Variants in LRRC8C observed in about 807,000 individuals in gnomAD.
LRRC8C encodes leucine rich repeat containing 8 VRAC subunit C.
Under a neutral mutation model 55.3 loss-of-function variants are expected in LRRC8C, and 20 were observed. The observed-to-expected ratio is 0.36, with a 90% CI of 0.25 to 0.53. The LOEUF (loss-of-function observed/expected upper bound fraction) is 0.53, where lower values mean the gene tolerates loss of function less well. Among genes scored for constraint, LRRC8C ranks in the 20% least tolerant of loss-of-function variants. The pLI is 0.92. For missense variants in LRRC8C, 659 were observed against 951.4 expected (o/e 0.69, Z 4.04); for synonymous variants, 376 against 360.7 (o/e 1.04, Z -0.48).
At chr1:89,693,410 G>A (rs1441504951) in intron 2 of LRRC8C, among the ~76,000 whole-genome samples, 2 of 152,034 alleles carry the variant, frequency 1.3e-5, no homozygotes, top group South Asian at 2.1e-4. Flanking sequence ...TTGACAATGT[G>A]CCCTGAATTC....
intron 2 of LRRC8C, among the ~76,000 whole-genome samples, chr1:89,704,020 G>C (rs865848316): frequency 6.6e-6 from 1 of 152,002 alleles, no homozygotes; most frequent in East Asian, 1.9e-4. Flanking sequence ...AAAAAAGCTG[G>C]TAGCGTAATG....
At chr1:89,639,248 G>T (rs1656388139) in intron 1 of LRRC8C, among the ~76,000 whole-genome samples, 1 of 152,032 alleles carries the variant, frequency 6.6e-6, no homozygotes, top group Non-Finnish European at 1.5e-5. Flanking sequence ...GCCTCCCCAA[G>T]TACTGGGATT....
intron 1 of LRRC8C, among the ~76,000 whole-genome samples, chr1:89,643,103 T>G (rs554957845): frequency 2.0e-5 from 3 of 152,314 alleles, no homozygotes; most frequent in Admixed American, 1.3e-4. Context: ...GTTGTTTGTT[T>G]GTTTTTGAGA....
chr1:89,640,921 C>A (rs934125426), intron 1 of LRRC8C, among the ~76,000 whole-genome samples: 1 of 152,036 alleles, frequency 6.6e-6, no homozygotes, highest in Non-Finnish European at 1.5e-5. Flanking sequence ...AGGAAATAAT[C>A]AAAGATAAGC....
chr1:89,666,595 A>G (rs995402239), intron 1 of LRRC8C, among the ~76,000 whole-genome samples: 2 of 152,102 alleles, frequency 1.3e-5, no homozygotes, highest in African/African-American at 4.8e-5. Context: ...GCCCCTAAAC[A>G]GGGTGCAGGT....
chr1:89,702,998 GACAT>G (rs1658375116), intron 2 of LRRC8C, among the ~76,000 whole-genome samples: 1 of 152,148 alleles, frequency 6.6e-6, no homozygotes, highest in Non-Finnish European at 1.5e-5. Context: ...GAGAGACACT[GACAT>G]ACATCTCAGA....
chr1:89,705,626 C>A (rs1240233357), intron 2 of LRRC8C, among the ~76,000 whole-genome samples: 1 of 151,530 alleles, frequency 6.6e-6, no homozygotes, highest in East Asian at 1.9e-4. Context: ...CAAAAAAATA[C>A]AAAAATTAGC....
At chr1:89,637,311 A>T (rs201704972) in intron 1 of LRRC8C, among the ~76,000 whole-genome samples, 1 of 150,402 alleles carries the variant, frequency 6.6e-6, no homozygotes, top group South Asian at 2.1e-4. Flanking sequence ...AGGAAGGAAC[A>T]CCTACCTCAG....
At chr1:89,692,925 C>T (rs1266122919) in intron 2 of LRRC8C, among the ~76,000 whole-genome samples, 2 of 152,074 alleles carry the variant, frequency 1.3e-5, no homozygotes, top group Admixed American at 1.3e-4. Flanking sequence ...CTTATTATGA[C>T]CAAATCCAAA....
chr1:89,645,048 C>T (rs796537950), intron 1 of LRRC8C, among the ~76,000 whole-genome samples: 6 of 152,204 alleles, frequency 3.9e-5, no homozygotes, highest in African/African-American at 9.6e-5. Flanking sequence ...ATTATCAAGA[C>T]AAAATACAGT....
intron 1 of LRRC8C, among the ~76,000 whole-genome samples, chr1:89,655,885 A>G (rs752975147): frequency 6.6e-6 from 1 of 152,238 alleles, no homozygotes; most frequent in Non-Finnish European, 1.5e-5. Flanking sequence ...CTTTAAGGAC[A>G]CAACTCCAAG....
At chr1:89,622,940 TC>T in the LRRC8C span, among the ~76,000 whole-genome samples, 1 of 152,164 alleles carries the variant, frequency 6.6e-6, no homozygotes, top group Admixed American at 6.5e-5. Flanking sequence ...TGGTATCAGA[TC>T]AGATATAAAT....
chr1:89,682,034 A>G (rs1289562702), intron 1 of LRRC8C, among the ~76,000 whole-genome samples: 3 of 152,140 alleles, frequency 2.0e-5, no homozygotes, highest in African/African-American at 4.8e-5. Context: ...AAAATTAGCC[A>G]GGCGTGGTGG....
At chr1:89,654,250 T>C (rs1656875098) in intron 1 of LRRC8C, among the ~76,000 whole-genome samples, 1 of 152,122 alleles carries the variant, frequency 6.6e-6, no homozygotes, top group Non-Finnish European at 1.5e-5. Context: ...ATAATAGACA[T>C]TGGAGACTTG....
intron 1 of LRRC8C, among the ~76,000 whole-genome samples, chr1:89,673,829 G>A (rs183379918): frequency 6.0e-4 from 91 of 152,238 alleles, no homozygotes; most frequent in Admixed American, 1.3e-3. Flanking sequence ...CTCTGACAGA[G>A]GTCATCAGGG....
intron 2 of LRRC8C, among the ~76,000 whole-genome samples, chr1:89,692,953 C>T (rs914910126): frequency 7.2e-5 from 11 of 152,124 alleles, no homozygotes; most frequent in Admixed American, 3.9e-4. Context: ...ATGGGCAGAC[C>T]GTTACCAAAT....
At chr1:89,648,327 A>C (rs1011582761) in intron 1 of LRRC8C, among the ~76,000 whole-genome samples, 1 of 152,240 alleles carries the variant, frequency 6.6e-6, no homozygotes, top group African/African-American at 2.4e-5. Context: ...GAGAAATACA[A>C]CATCCCATGA....
At chr1:89,666,017 C>T (rs982626677) in intron 1 of LRRC8C, among the ~76,000 whole-genome samples, 1 of 152,094 alleles carries the variant, frequency 6.6e-6, no homozygotes. Context: ...GAGGCCAAAC[C>T]CTATAGCCAA....
intron 2 of LRRC8C, among the ~76,000 whole-genome samples, chr1:89,697,018 A>G (rs1346846537): frequency 6.6e-6 from 1 of 152,208 alleles, no homozygotes; most frequent in East Asian, 1.9e-4. Context: ...ATTGAAAAAA[A>G]AATCACTTGC....
Sources: allele counts gnomAD v4.1 joint callset (sites outside exome capture counted in the v4.1 genomes callset), GRCh38; gene constraint gnomAD v4.1.1; transcripts MANE v1.5; gene names NCBI Gene and HGNC (gene_info 2026-07-23, HGNC 2026-07-21).